The following DNAH17 variants were observed in gnomAD, a reference collection of about 807,000 sequenced individuals.
DNAH17 encodes axonemal beta dynein heavy chain 17.
Under a neutral mutation model 485.6 loss-of-function variants are expected in DNAH17, and 376 were observed. The observed-to-expected ratio is 0.77, with a 90% CI of 0.71 to 0.84. DNAH17 has a LOEUF of 0.84. Ranked by LOEUF, DNAH17 falls within the 40% of genes least tolerant of loss-of-function variation. The pLI, the probability that DNAH17 is intolerant of heterozygous loss-of-function variation, is 0.00. For missense variants in DNAH17, 6,370 were observed against 5,839.3 expected, an observed-to-expected ratio of 1.09 and a Z score of -2.96; for synonymous variants, 3,031 against 2,405.9, an observed-to-expected ratio of 1.26 and a Z score of -7.60.
intron 58 of DNAH17, among the ~76,000 whole-genome samples, chr17:78,460,640 C>T (rs1001495192): frequency 4.6e-5 from 7 of 152,206 alleles, no homozygotes; most frequent in East Asian, 1.9e-4. Flanking sequence ...TGCCCCACAA[C>T]GCTCAGGTCA....
At chr17:78,456,217 T>C (rs2087792170) in intron 62 of DNAH17, among the ~76,000 whole-genome samples, 1 of 152,154 alleles carries the variant, frequency 6.6e-6, no homozygotes, top group African/African-American at 2.4e-5. Flanking sequence ...GAGAATTGCT[T>C]GAACCCGGGA....
intron 16 of DNAH17, among the ~76,000 whole-genome samples, chr17:78,550,806 G>A (rs2091885393): frequency 6.6e-6 from 1 of 152,192 alleles, no homozygotes; most frequent in South Asian, 2.1e-4. Context: ...CCCTGACCTG[G>A]ACAAGATCAT....
At chr17:78,469,183 C>T (rs2088633279) in intron 54 of DNAH17, among the ~76,000 whole-genome samples, 2 of 152,030 alleles carry the variant, frequency 1.3e-5, no homozygotes, top group Non-Finnish European at 2.9e-5. Flanking sequence ...GCTCTGTCAC[C>T]CAGGCTGGAG....
At chr17:78,491,628 C>T (rs1387942363) in intron 42 of DNAH17, 58 bp from the exon 43 acceptor site, 35 of 1,574,512 alleles carry the variant, frequency 2.2e-5, no homozygotes, top group Non-Finnish European at 2.9e-5. Flanking sequence ...TTCCAGTCCC[C>T]ACCAGTCCTG....
Position 78,569,253 on chromosome 17 carries a change from C to T in DNAH17, c.1198-1G>A. Reference sequence around the variant, plus strand: ...ATTCCCAAGGCACGGGCTCTTTGTCCTTAGAGGAGAGAAAGAGAGATGAGG... The same window carrying T: ...ATTCCCAAGGCACGGGCTCTTTGTCTTTAGAGGAGAGAAAGAGAGATGAGG... On this transcript the variant is annotated splice_acceptor_variant, in intron 8 of 80. Coordinates refer to ENST00000389840, the MANE Select transcript of DNAH17 (RefSeq NM_173628.4). LOFTEE classifies it high-confidence loss of function. 6.2e-7 allele frequency: 1 copy of T among 1,604,286 alleles called. No individual in the cohort carries two copies. The highest frequency in any genetic ancestry group is 8.5e-7 in the Non-Finnish European group (1 of 1,175,386).
intron 25 of DNAH17, among the ~76,000 whole-genome samples, chr17:78,524,303 A>G (rs570509095): frequency 6.6e-6 from 1 of 152,026 alleles, no homozygotes; most frequent in South Asian, 2.1e-4. Flanking sequence ...ACGCCCAGTT[A>G]ATTTTCGTAT....
At chr17:78,488,465 C>T (rs1171841364) in intron 44 of DNAH17, among the ~76,000 whole-genome samples, 2 of 152,114 alleles carry the variant, frequency 1.3e-5, no homozygotes, top group South Asian at 4.1e-4. Context: ...ACGCTGCCTT[C>T]GTTTCTGGCT....
chr17:78,504,171 C>T (rs1433674117), intron 31 of DNAH17, among the ~76,000 whole-genome samples: 1 of 151,392 alleles, frequency 6.6e-6, no homozygotes, highest in Non-Finnish European at 1.5e-5. Context: ...GTTCAAGTGA[C>T]TCTCATGCCT....
At chr17:78,558,927 C>G (rs59649497) in intron 13 of DNAH17, among the ~76,000 whole-genome samples, 1 of 152,154 alleles carries the variant, frequency 6.6e-6, no homozygotes, top group Non-Finnish European at 1.5e-5. Flanking sequence ...ATCGCCCAGC[C>G]GCTGGCACTC....
intron 3 of DNAH17, 69 bp downstream of exon 3, chr17:78,572,631 TG>T: frequency 4.2e-6 from 5 of 1,179,210 alleles, no homozygotes; most frequent in Non-Finnish European, 3.3e-6. Flanking sequence ...TGGAGTGGGG[TG>T]GGGGGTGGGG....
At chr17:78,469,567 T>A (rs766418942) in intron 54 of DNAH17, among the ~76,000 whole-genome samples, 1 of 152,046 alleles carries the variant, frequency 6.6e-6, no homozygotes, top group Non-Finnish European at 1.5e-5. Flanking sequence ...CTGAGCAACA[T>A]AGCAAGACCT....
chr17:78,424,156 G>A lies in DNAH17; in HGVS notation c.13142-3C>T, dbSNP rs1190676626. ...AGTCTGGGTGTCCCAGCGAGCCCCT[G>A]CAGGGACAGTATGGCTGAGGGTCAG... On this transcript the variant is annotated splice_region_variant and splice_polypyrimidine_tract_variant and intron_variant, in intron 80 of 80. Coordinates refer to ENST00000389840, the MANE Select transcript of DNAH17 (RefSeq NM_173628.4). The A allele has an allele frequency of 7.5e-6, 12 of 1,608,194 alleles. No homozygotes were observed. Among genetic ancestry groups the A allele is most frequent in the Non-Finnish European group, 1.0e-5 (12 of 1,177,612 alleles).
Position 78,439,233 on chromosome 17 carries a change from A to G in DNAH17, c.11678-16T>C, listed in dbSNP as rs1388401875. On this transcript the variant is annotated splice_polypyrimidine_tract_variant and intron_variant, in intron 72 of 80. Coordinates refer to ENST00000389840, the MANE Select transcript of DNAH17 (RefSeq NM_173628.4). ...AGTTTTTTTCCTAAAGAAAAGAAAA[A>G]CAGGAAAAAAACACCACGTAATTAA... The G allele has an allele frequency of 1.3e-6, 2 of 1,596,230 alleles. No homozygotes were observed. Among genetic ancestry groups the G allele is most frequent in the South Asian group, 1.1e-5 (1 of 89,090 alleles).
chr17:78,465,120 C>T (rs916045653), intron 56 of DNAH17, among the ~76,000 whole-genome samples: 25 of 152,290 alleles, frequency 1.6e-4, no homozygotes, highest in African/African-American at 5.8e-4. Context: ...TTGGTGGAGA[C>T]GGGGTTTCGC....
chr17:78,484,518 T>C (rs1487987557), intron 48 of DNAH17, among the ~76,000 whole-genome samples: 1 of 151,988 alleles, frequency 6.6e-6, no homozygotes, highest in Non-Finnish European at 1.5e-5. Flanking sequence ...TACCGGGTAA[T>C]GTGCTTCTTC....
rs147501512 is a variant in DNAH17 at position 78,450,787 on chromosome 17, C to T, written c.10794G>A (p.Ser3598=). 2.4e-4 allele frequency: 389 copies of T among 1,613,944 alleles called. No individual in the cohort carries two copies. Among genetic ancestry groups the T allele is most frequent in the Middle Eastern group, 4.9e-4 (3 of 6,084 alleles). Residue 3598 remains serine (S), a synonymous_variant, in exon 67 of 81, where the codon TCG becomes TCA. Coordinates refer to ENST00000389840, the MANE Select transcript of DNAH17 (RefSeq NM_173628.4). The part of the protein sequence containing the change: ...FKIVLKELED[S]LLARLSAASG... The stretch of plus-strand genomic sequence containing the variant: ...ACGCAGCCGACAGACGGGCCAGGAG[C>T]GAATCTTCCAGCTCTTTCAGAACAA...
At position 78,492,724 on chromosome 17, in the gene DNAH17, C is replaced by A; in HGVS notation, c.6450G>T (p.Arg2150Ser). 1 of 1,612,890 alleles carries A rather than the reference C, an allele frequency of 6.2e-7. No homozygotes were observed. Among genetic ancestry groups the A allele is most frequent in the Non-Finnish European group, 8.5e-7 (1 of 1,179,472 alleles). ...GGTCCAGGTCCACGGCGACCGGCTTCCTCTTCAGGTTCTGATAGGTCTTGT... is the reference window on the plus strand; with the variant it reads ...GGTCCAGGTCCACGGCGACCGGCTTACTCTTCAGGTTCTGATAGGTCTTGT... ...SLNKTYQNLKRKPVAVDLDPK... is the reference protein window; with the variant it reads ...SLNKTYQNLKSKPVAVDLDPK... The change falls in exon 42 of 81, where the codon AGG (arginine) becomes AGT (serine). Residue 2150 changes from arginine (R) to serine (S), a missense_variant. Coordinates refer to ENST00000389840, the MANE Select transcript of DNAH17 (RefSeq NM_173628.4).
chr17:78,462,195 C>T (rs1279720345), intron 57 of DNAH17, among the ~76,000 whole-genome samples: 2 of 140,266 alleles, frequency 1.4e-5, no homozygotes, highest in African/African-American at 5.2e-5. Context: ...GTTGCAGTGC[C>T]GAGCAGGGCT....
rs61745171 is a variant in DNAH17, at chr17:78,495,916, G to A, written c.5862C>T (p.Ala1954=). 2,712 of 1,613,838 alleles carry A rather than the reference G, an allele frequency of 1.7e-3. 37 individuals carry two copies. In the African/African-American group the frequency reaches 0.03, roughly 18 times the overall value. The change falls in exon 38 of 81, where the codon GCC becomes GCT. Residue 1954 remains alanine (A), a synonymous_variant. Transcript: ENST00000389840. ...GIFITMNPGY[A]GRAELPENLK... ...GGTTCTCAGGCAGCTCCGCGCGTCC[G>A]GCGTACCCAGGGTTCATGGTGATGA...
Sources: gnomAD v4.1 joint callset for allele counts (sites outside exome capture counted in the v4.1 genomes callset) on GRCh38, gnomAD v4.1.1 for gene constraint, MANE v1.5 for transcripts, NCBI Gene and HGNC (gene_info 2026-07-23, HGNC 2026-07-21) for gene names.